DHTKD1: variants seen among roughly 807,000 people sequenced by gnomAD.
DHTKD1 encodes dehydrogenase E1 and transketolase domain containing 1.
A neutral mutation model predicts 101.8 loss-of-function variants in DHTKD1; 78 were observed. That is an observed-to-expected ratio of 0.77 (90% confidence interval 0.64 to 0.93). The LOEUF is 0.93. DHTKD1 is among the 40% of genes least tolerant of loss of function. The probability of loss-of-function intolerance (pLI) is 0.00; values close to 1 mark genes in which losing one functional copy is unlikely to be tolerated. For synonymous variants in DHTKD1, 462 were observed against 450.3 expected, an observed-to-expected ratio of 1.03 and a Z score of -0.33; for missense variants, 1,223 against 1,161.7, an observed-to-expected ratio of 1.05 and a Z score of -0.77.
At chr10:12,106,664 C>G in intron 11 of DHTKD1, among the ~76,000 whole-genome samples, 1 of 152,192 alleles carries the variant, frequency 6.6e-6, no homozygotes, top group East Asian at 1.9e-4. Flanking sequence ...CCATGAAAAC[C>G]CGCTCCAGTG....
intron 1 of DHTKD1, among the ~76,000 whole-genome samples, chr10:12,079,834 AC>A (rs1250984913): frequency 1.3e-5 from 2 of 152,112 alleles, no homozygotes; most frequent in Admixed American, 1.3e-4. Flanking sequence ...TATAGGACTA[AC>A]CCCCAGGCTG....
Position 12,069,009 on chromosome 10 carries a change from A to C in DHTKD1, c.-25A>C. ...GATCCCCTCGGGCTCCCGCCTTAGCATGCTGGCCGGGACATCTGGTGAACA... is the reference window on the plus strand; with the variant it reads ...GATCCCCTCGGGCTCCCGCCTTAGCCTGCTGGCCGGGACATCTGGTGAACA... On this transcript the variant is annotated 5_prime_UTR_variant, in exon 1 of 17. The change abolishes an upstream ATG in the 5' untranslated region. Transcript: ENST00000263035. 3 of 1,612,408 alleles carry C rather than the reference A, an allele frequency of 1.9e-6. No homozygotes were observed. Among genetic ancestry groups the C allele is most frequent in the Non-Finnish European group, 2.5e-6 (3 of 1,179,366 alleles).
chr10:12,094,986 A>C (rs1833047194), intron 7 of DHTKD1, among the ~76,000 whole-genome samples: 1 of 152,176 alleles, frequency 6.6e-6, no homozygotes. Context: ...GAATAGAAAA[A>C]GGGCAATAGA....
intron 7 of DHTKD1, among the ~76,000 whole-genome samples, chr10:12,097,239 T>A (rs1403740477): frequency 6.6e-6 from 1 of 152,032 alleles, no homozygotes; most frequent in African/African-American, 2.4e-5. Context: ...TTTTCCTGAA[T>A]GCCTTTTTAT....
At chr10:12,074,618 A>G (rs750477264) in intron 1 of DHTKD1, among the ~76,000 whole-genome samples, 52 of 150,088 alleles carry the variant, frequency 3.5e-4, no homozygotes, top group Non-Finnish European at 4.9e-4. Flanking sequence ...TCGGCCTCCC[A>G]AAGTGCTGGG....
In DHTKD1 at chr10:12,100,259, C is replaced by G; in HGVS notation, c.1753C>G (p.Gln585Glu). 1.4e-6 allele frequency: 1 copy of G among 719,194 alleles called. No individual in the cohort carries two copies. Among genetic ancestry groups the G allele is most frequent in the Non-Finnish European group, 2.0e-6 (1 of 499,410 alleles). 44.6% of individuals were successfully genotyped at this position (719,194 alleles called of 1,614,324 possible). A position where few individuals can be genotyped will look rare whatever the true frequency, so the allele number is the denominator to read the frequency against. ...EALALGSLLA[Q>E]GFNVRLSGQD... ...TCTTGCCTTGGGTTCTTTACTTGCTCAAGGTAAGAATTTTCTTTTTTTTTT... is the reference window on the plus strand; with the variant it reads ...TCTTGCCTTGGGTTCTTTACTTGCTGAAGGTAAGAATTTTCTTTTTTTTTT... The change falls in exon 9 of 17, where the codon CAA becomes GAA. Residue 585 changes from glutamine (Q) to glutamate (E), a missense_variant. By Grantham distance (29) the Gln-to-Glu change is conservative. Transcript: ENST00000263035.
At position 12,097,819 on chromosome 10, in the gene DHTKD1, C is replaced by G. The variant is rs1204214504; in HGVS notation, c.1494C>G (p.Tyr498Ter). ...LNDHLNNMAHYRPPALNLQAH... is the reference protein window; with the variant it reads ...LNDHLNNMAH ...ATCACTTAAATAACATGGCCCACTACAGGCCCCCTGCCCTGAACCTGCAGG... is the reference window on the plus strand; with the variant it reads ...ATCACTTAAATAACATGGCCCACTAGAGGCCCCCTGCCCTGAACCTGCAGG... The change falls in exon 8 of 17, where the codon TAC (tyrosine) becomes TAG (stop). Residue 498 changes from tyrosine to a stop codon, truncating the protein, a stop_gained. Coordinates refer to ENST00000263035, the MANE Select transcript of DHTKD1 (RefSeq NM_018706.7). LOFTEE classifies it high-confidence loss of function. 6.2e-7 allele frequency: 1 copy of G among 1,614,118 alleles called. No homozygotes were observed. Among genetic ancestry groups the G allele is most frequent in the Non-Finnish European group, 8.5e-7 (1 of 1,180,050 alleles).
In DHTKD1 at chr10:12,087,667, A is replaced by G. The variant is rs776877039; in HGVS notation, c.655A>G (p.Ile219Val). 1 of 1,613,788 alleles carries G rather than the reference A, an allele frequency of 6.2e-7. No individual in the cohort carries two copies. Among genetic ancestry groups the G allele is most frequent in the Non-Finnish European group, 8.5e-7 (1 of 1,179,910 alleles). ...CTACAGCGGGATCACTGATGTCATT[A>G]TTGGGATGCCCCATAGAGGGAGGCT... is the stretch of plus-strand genomic sequence containing the variant. ...SAYSGITDVI[I>V]GMPHRGRLNL... The change falls in exon 4 of 17, where the codon ATT becomes GTT. Residue 219 changes from isoleucine to valine, a missense_variant. By Grantham distance (29) the Ile-to-Val change is conservative. Coordinates refer to ENST00000263035, the MANE Select transcript of DHTKD1 (RefSeq NM_018706.7). The surrounding 1 kb of genome is among the most constrained non-coding windows in gnomAD (Gnocchi z 5.2).
intron 9 of DHTKD1, 23 bp downstream of exon 9, chr10:12,100,285 C>CGGTTTTTTTTTTT: frequency 4.4e-6 from 1 of 228,240 alleles, no homozygotes; most frequent in Non-Finnish European, 7.2e-6. Context: ...TTTTTTTTTT[C>CGGTTTTTTTTTTT]TGTTTTTTTT....
chr10:12,076,975 TAAAAAA>T, intron 1 of DHTKD1, among the ~76,000 whole-genome samples: 1 of 61,834 alleles, frequency 1.6e-5, no homozygotes, highest in African/African-American at 4.3e-5. Flanking sequence ...CTGTTTCTGA[TAAAAAA>T]AAAAAAAAAA....
intron 14 of DHTKD1, among the ~76,000 whole-genome samples, 159 bp from the exon 15 acceptor site, chr10:12,118,590 G>T (rs576035201): frequency 6.1e-4 from 93 of 151,952 alleles, no homozygotes; most frequent in Admixed American, 2.0e-3. Flanking sequence ...CACCGTGTTA[G>T]CCAGGATGGT....
intron 6 of DHTKD1, 80 bp downstream of exon 6, chr10:12,091,764 T>C (rs1187371449): frequency 2.7e-5 from 30 of 1,127,674 alleles, no homozygotes; most frequent in Non-Finnish European, 3.7e-5. Context: ...CACAGAACAA[T>C]GAGCCTCACT....
Position 12,103,853 on chromosome 10 carries a change from AGC to A in DHTKD1, c.1897-2392_1897-2391del, listed in dbSNP as rs1297001372. 6.6e-6 allele frequency among the ~76,000 whole-genome samples: 1 copy of A among 152,014 alleles called. No homozygotes were observed. Among genetic ancestry groups the A allele is most frequent in the Non-Finnish European group, 1.5e-5 (1 of 68,014 alleles). On this transcript the variant is annotated intron_variant, in intron 10 of 16. Transcript: ENST00000263035. This position sits in a 1 kb window ranked among gnomAD's most constrained non-coding sequence, Gnocchi z 4.8. ...ATTTTTTTAAGTAAAAGCTTTATTG[AGC>A]TATAACTCATACAATTCAACCTCTC...
intron 13 of DHTKD1, among the ~76,000 whole-genome samples, chr10:12,113,994 C>G (rs1345010709): frequency 2.0e-5 from 3 of 150,296 alleles, no homozygotes; most frequent in African/African-American, 7.3e-5. Flanking sequence ...TTTGGGAATT[C>G]AAAGTATTTT....
intron 7 of DHTKD1, among the ~76,000 whole-genome samples, chr10:12,097,379 T>A (rs1467071755): frequency 1.3e-5 from 2 of 152,148 alleles, no homozygotes; most frequent in East Asian, 3.9e-4. Flanking sequence ...TTCAAGCAAT[T>A]CTCCTGCCTC....
chr10:12,088,486 G>A (rs1442117861), intron 4 of DHTKD1, among the ~76,000 whole-genome samples: 3 of 151,728 alleles, frequency 2.0e-5, no homozygotes, highest in African/African-American at 7.3e-5. Context: ...AAAAAAAAGA[G>A]GAAAGGCAAC....
Position 12,076,975 on chromosome 10 carries a change from T to TAAAA in DHTKD1, c.155-4480_155-4477dup, listed in dbSNP as rs61096299. Among the ~76,000 whole-genome samples, 164 of 61,598 alleles carry TAAAA rather than the reference T, an allele frequency of 2.7e-3. 2 individuals carry two copies. Among genetic ancestry groups the TAAAA allele is most frequent in the African/African-American group, 6.5e-3 (150 of 23,020 alleles). The allele number at this position is 61,598 out of a possible 152,430, so 40.4% of individuals were successfully genotyped here. A position where few individuals can be genotyped will look rare whatever the true frequency, so the allele number is the denominator to read the frequency against. On this transcript the variant is annotated intron_variant, in intron 1 of 16. Transcript: ENST00000263035. ...CCAGCCAGCCAGACCCTGTTTCTGATAAAAAAAAAAAAAAAAAAAAGGAAG... is the reference window on the plus strand; with the variant it reads ...CCAGCCAGCCAGACCCTGTTTCTGATAAAAAAAAAAAAAAAAAAAAAAAAGGAAG...
chr10:12,094,230 T>A lies in DHTKD1; in HGVS notation c.1317T>A (p.Asp439Glu). The A allele has an allele frequency of 6.2e-7, 1 of 1,614,204 alleles. No homozygotes were observed. The change falls in exon 7 of 17, where the codon GAT (aspartate) becomes GAA (glutamate). Residue 439 changes from aspartate to glutamate, a missense_variant. Coordinates refer to ENST00000263035, the MANE Select transcript of DHTKD1 (RefSeq NM_018706.7). The stretch of plus-strand genomic sequence containing the variant: ...GGCAGTGGGGCCACAATGAGCTGGA[T>A]GAGCCATTCTACACCAACCCCATCA... ...CYRQWGHNEL[D>E]EPFYTNPIMY... is the part of the protein sequence containing the mutation.
At chr10:12,085,672 A>G (rs1242508933) in intron 3 of DHTKD1, among the ~76,000 whole-genome samples, 1 of 152,232 alleles carries the variant, frequency 6.6e-6, no homozygotes, top group East Asian at 1.9e-4. Context: ...TGAGGTCAGG[A>G]GTTTGATACC....
Sources: gnomAD v4.1 joint callset for allele counts (sites outside exome capture counted in the v4.1 genomes callset) on GRCh38, gnomAD v4.1.1 for gene constraint, Gnocchi (gnomAD v3.1) non-coding constraint, MANE v1.5 for transcripts, NCBI Gene and HGNC (gene_info 2026-07-23, HGNC 2026-07-21) for gene names.